Variants in MINDY3 observed in about 807,000 individuals in gnomAD.
The protein encoded by MINDY3 is MINDY lysine 48 deubiquitinase 3.
Under a neutral mutation model 69.2 loss-of-function variants are expected in MINDY3, and 38 were observed. That is an observed-to-expected ratio of 0.55 (90% CI 0.42 to 0.72). The LOEUF (loss-of-function observed/expected upper bound fraction) is 0.72, where lower values mean the gene tolerates loss of function less well. Ranked by LOEUF, MINDY3 falls within the 30% of genes least tolerant of loss-of-function variation. The pLI, the probability that MINDY3 is intolerant of heterozygous loss-of-function variation, is 0.00. For missense variants in MINDY3, 522 were observed against 519.0 expected (o/e 1.01, Z -0.06); for synonymous variants, 192 against 180.1 (o/e 1.07, Z -0.53).
chr10:15,804,616 A>G (rs1425831522), intron 10 of MINDY3, among the ~76,000 whole-genome samples: 1 of 152,150 alleles, frequency 6.6e-6, no homozygotes. Flanking sequence ...AACATATTAT[A>G]GTGTTTAAAG....
chr10:15,825,988 A>G (rs1840060559), intron 8 of MINDY3, among the ~76,000 whole-genome samples: 1 of 152,148 alleles, frequency 6.6e-6, no homozygotes, highest in African/African-American at 2.4e-5. Context: ...AAAAATAAAT[A>G]AACAATATGG....
At chr10:15,808,588 T>C (rs1218398073) in intron 10 of MINDY3, among the ~76,000 whole-genome samples, 1 of 152,128 alleles carries the variant, frequency 6.6e-6, no homozygotes, top group African/African-American at 2.4e-5. Context: ...CAGATCCCAC[T>C]GGAAGAACAA....
intron 3 of MINDY3, among the ~76,000 whole-genome samples, chr10:15,842,614 T>C (rs1484082620): frequency 6.6e-6 from 1 of 151,780 alleles, no homozygotes; most frequent in East Asian, 1.9e-4. Context: ...AAAACTGGGA[T>C]TGTAATGTGT....
At chr10:15,793,155 G>A (rs1213900464) in intron 11 of MINDY3, among the ~76,000 whole-genome samples, 1 of 151,966 alleles carries the variant, frequency 6.6e-6, no homozygotes, top group East Asian at 1.9e-4. Flanking sequence ...ACCTGAATAC[G>A]AAGCACATAT....
intron 10 of MINDY3, among the ~76,000 whole-genome samples, chr10:15,804,463 G>A (rs527261637): frequency 6.6e-6 from 1 of 152,116 alleles, no homozygotes; most frequent in Non-Finnish European, 1.5e-5. Context: ...TTACTGAAAA[G>A]GTCTTTAAAG....
intron 10 of MINDY3, among the ~76,000 whole-genome samples, chr10:15,803,942 T>C (rs1227752786): frequency 6.6e-6 from 1 of 152,032 alleles, no homozygotes; most frequent in African/African-American, 2.4e-5. Context: ...TAGGAGAAAA[T>C]TTCAACATGT....
chr10:15,839,439 G>A (rs551273867), intron 4 of MINDY3, among the ~76,000 whole-genome samples: 1 of 151,768 alleles, frequency 6.6e-6, no homozygotes, highest in East Asian at 1.9e-4. Flanking sequence ...ATATTAACAA[G>A]AGGGGAAAAC....
chr10:15,857,987 T>C, intron 1 of MINDY3: 2 of 970,904 alleles, frequency 2.1e-6, no homozygotes, highest in Non-Finnish European at 2.4e-6. Context: ...AAAGCCAGAG[T>C]TGATGTCACA....
At chr10:15,809,111 A>T (rs1343189404) in intron 10 of MINDY3, among the ~76,000 whole-genome samples, 1 of 152,200 alleles carries the variant, frequency 6.6e-6, no homozygotes. Context: ...GGAAATTAAG[A>T]AAGTGACCCA....
chr10:15,830,484 C>T (rs921057007), intron 8 of MINDY3, among the ~76,000 whole-genome samples: 6 of 152,196 alleles, frequency 3.9e-5, no homozygotes, highest in African/African-American at 1.4e-4. Flanking sequence ...TAATTCCACA[C>T]AGCTAACATA....
chr10:15,816,743 G>C (rs1033137696), intron 10 of MINDY3, 92 bp downstream of exon 10: 1 of 854,040 alleles, frequency 1.2e-6, no homozygotes, highest in African/African-American at 1.7e-5. Flanking sequence ...GGAATAGACT[G>C]AAGTTTGCAC....
chr10:15,842,895 A>G (rs1032697342), intron 3 of MINDY3, among the ~76,000 whole-genome samples: 1 of 148,274 alleles, frequency 6.7e-6, no homozygotes, highest in African/African-American at 2.5e-5. Context: ...CCACAGCTAA[A>G]TAAGACTACA....
At chr10:15,797,864 C>T (rs185622460) in intron 10 of MINDY3, among the ~76,000 whole-genome samples, 49 of 152,252 alleles carry the variant, frequency 3.2e-4, no homozygotes, top group African/African-American at 1.2e-3. Context: ...CAGATTTCTA[C>T]ATTTATTCTA....
Position 15,782,141 on chromosome 10 carries a change from G to C in MINDY3, c.1188+14C>G. The C allele has an allele frequency of 6.3e-7, 1 of 1,585,466 alleles. No individual in the cohort carries two copies. Among genetic ancestry groups the C allele is most frequent in the Non-Finnish European group, 8.6e-7 (1 of 1,156,136 alleles). On this transcript the variant is annotated intron_variant, in intron 14 of 14. Transcript: ENST00000277632. Reference sequence around the variant, plus strand: ...AACCCAGTTGAACACCGACGACTACGTGAATTATCATACCTTTTCATTATA... The same window carrying C: ...AACCCAGTTGAACACCGACGACTACCTGAATTATCATACCTTTTCATTATA...
At chr10:15,802,371 T>G (rs1057222869) in intron 10 of MINDY3, among the ~76,000 whole-genome samples, 1 of 152,142 alleles carries the variant, frequency 6.6e-6, no homozygotes, top group South Asian at 2.1e-4. Flanking sequence ...CTTATAATCA[T>G]GCCAGACAGC....
intron 1 of MINDY3, among the ~76,000 whole-genome samples, chr10:15,857,031 C>T (rs1326214000): frequency 6.6e-6 from 1 of 152,168 alleles, no homozygotes; most frequent in Non-Finnish European, 1.5e-5. Context: ...TTGCTTCAAA[C>T]CTTCGAAGGA....
intron 13 of MINDY3, among the ~76,000 whole-genome samples, chr10:15,784,515 C>T (rs745325088): frequency 7.9e-5 from 12 of 152,074 alleles, no homozygotes; most frequent in African/African-American, 2.2e-4. Context: ...AAGGCCAGGA[C>T]GGGTGGAACA....
At chr10:15,844,461 T>C (rs1273322535) in intron 2 of MINDY3, among the ~76,000 whole-genome samples, 2 of 152,182 alleles carry the variant, frequency 1.3e-5, no homozygotes, top group Non-Finnish European at 2.9e-5. Flanking sequence ...AAAATCATAA[T>C]GGGTATATGA....
intron 11 of MINDY3, among the ~76,000 whole-genome samples, chr10:15,789,531 A>G (rs1268160677): frequency 1.3e-5 from 2 of 152,078 alleles, no homozygotes; most frequent in African/African-American, 4.8e-5. Flanking sequence ...ACTTAAAAAT[A>G]TTTTTTAACT....
Sources: allele counts gnomAD v4.1 joint callset (sites outside exome capture counted in the v4.1 genomes callset), GRCh38; gene constraint gnomAD v4.1.1; transcripts MANE v1.5; gene names NCBI Gene and HGNC (gene_info 2026-07-23, HGNC 2026-07-21).